Variants in MACROD2 observed in about 807,000 individuals in gnomAD.
MACROD2 encodes the protein mono-ADP ribosylhydrolase 2, also known as ADP-ribose glycohydrolase MACROD2.
Under a neutral mutation model 70.4 loss-of-function variants are expected in MACROD2, and 36 were observed. That is an observed-to-expected ratio of 0.51 (90% CI 0.39 to 0.68). The LOEUF (loss-of-function observed/expected upper bound fraction) is 0.68, where lower values mean the gene tolerates loss of function less well. Among genes scored for constraint, MACROD2 ranks in the 30% least tolerant of loss-of-function variants. MACROD2 has a pLI of 0.00. For missense variants in MACROD2, 496 were observed against 538.4 expected (o/e 0.92, Z 0.78); for synonymous variants, 172 against 178.8 (o/e 0.96, Z 0.30).
chr20:14,719,116 C>T (rs2071432486), intron 5 of MACROD2, among the ~76,000 whole-genome samples: 1 of 152,004 alleles, frequency 6.6e-6, no homozygotes, highest in Non-Finnish European at 1.5e-5. Flanking sequence ...CCTGTAGTCC[C>T]AGCTACTTGG....
intron 4 of MACROD2, among the ~76,000 whole-genome samples, chr20:14,628,309 A>G (rs954076267): frequency 6.6e-6 from 1 of 152,160 alleles, no homozygotes; most frequent in African/African-American, 2.4e-5. Flanking sequence ...GAGAGAATGG[A>G]TTAGAGAGGA....
intron 10 of MACROD2, among the ~76,000 whole-genome samples, chr20:15,916,034 A>G (rs1279152640): frequency 2.0e-5 from 3 of 152,198 alleles, no homozygotes; most frequent in Non-Finnish European, 4.4e-5. Flanking sequence ...AAAGAAAAGG[A>G]CAAAAATATA....
intron 8 of MACROD2, among the ~76,000 whole-genome samples, chr20:15,776,951 G>A (rs535054796): frequency 6.5e-4 from 99 of 152,248 alleles, no homozygotes; most frequent in African/African-American, 2.3e-3. Context: ...AAAAGAATGC[G>A]ACTGTTGAGA....
intron 8 of MACROD2, among the ~76,000 whole-genome samples, chr20:15,543,875 T>C (rs2146572806): frequency 6.6e-6 from 1 of 152,364 alleles, no homozygotes. Context: ...TGCCTGGACA[T>C]GTTCTTCTCA....
intron 15 of MACROD2, among the ~76,000 whole-genome samples, chr20:16,004,860 T>C (rs1432852737): frequency 6.6e-6 from 1 of 152,248 alleles, no homozygotes; most frequent in Non-Finnish European, 1.5e-5. Flanking sequence ...GGGGCAGTTA[T>C]ACTTTTTACA....
chr20:15,279,613 A>G (rs1445210179), intron 6 of MACROD2, among the ~76,000 whole-genome samples: 1 of 152,238 alleles, frequency 6.6e-6, no homozygotes, highest in Non-Finnish European at 1.5e-5. Context: ...GCAATTCCCA[A>G]TCATGATAAT....
chr20:15,100,440 T>C (rs2075863607), intron 5 of MACROD2, among the ~76,000 whole-genome samples: 1 of 152,152 alleles, frequency 6.6e-6, no homozygotes, highest in Non-Finnish European at 1.5e-5. Flanking sequence ...ACCCAAAACT[T>C]TATCTTGGCT....
At chr20:15,218,267 G>C (rs1037345516) in intron 5 of MACROD2, among the ~76,000 whole-genome samples, 6 of 152,114 alleles carry the variant, frequency 3.9e-5, no homozygotes, top group Non-Finnish European at 7.3e-5. Context: ...TTAGAGTCAA[G>C]CTCCTTGAAA....
intron 8 of MACROD2, among the ~76,000 whole-genome samples, chr20:15,615,876 TAATA>T (rs1284159990): frequency 3.3e-5 from 5 of 152,060 alleles, no homozygotes; most frequent in African/African-American, 1.2e-4. Context: ...AAAAGTATAA[TAATA>T]TATTAATTCC....
intron 3 of MACROD2, among the ~76,000 whole-genome samples, chr20:14,108,775 A>G (rs956996016): frequency 3.0e-4 from 45 of 152,056 alleles, no homozygotes; most frequent in Admixed American, 2.6e-3. Context: ...AAATACTATT[A>G]TTAGAGCTAA....
At position 14,478,816 on chromosome 20, in the gene MACROD2, T is replaced by C; in HGVS notation, c.272-14663T>C. On this transcript the variant is annotated intron_variant, in intron 3 of 17. Transcript: ENST00000684519. ...TAGTGGGCAGTAGTTCTAAGGACAATTTAATTTTCCAAGATTTTTTGGTCT... is the reference window on the plus strand; with the variant it reads ...TAGTGGGCAGTAGTTCTAAGGACAACTTAATTTTCCAAGATTTTTTGGTCT... Among the ~76,000 whole-genome samples the C allele has an allele frequency of 2.0e-5, 3 of 152,202 alleles. No homozygotes were observed. In the South Asian group the frequency reaches 6.2e-4, roughly 32 times the overall value.
intron 3 of MACROD2, among the ~76,000 whole-genome samples, chr20:14,132,321 T>C (rs2054729283): frequency 6.6e-6 from 1 of 151,984 alleles, no homozygotes; most frequent in Admixed American, 6.5e-5. Flanking sequence ...ACATTGGGCA[T>C]ACAGGCACGA....
At chr20:15,953,397 G>A (rs1044335584) in intron 12 of MACROD2, among the ~76,000 whole-genome samples, 3 of 152,006 alleles carry the variant, frequency 2.0e-5, no homozygotes, top group East Asian at 1.9e-4. Context: ...AATGATAAAT[G>A]TTCCAGATGA....
At chr20:14,909,992 T>G (rs980461330) in intron 5 of MACROD2, among the ~76,000 whole-genome samples, 1 of 152,150 alleles carries the variant, frequency 6.6e-6, no homozygotes, top group Non-Finnish European at 1.5e-5. Context: ...CTTGAGAACC[T>G]TTGGAATTCT....
rs146928122 is a variant in MACROD2 at position 14,562,656 on chromosome 20, T to C, written c.301+69148T>C. Among the ~76,000 whole-genome samples, 1,087 of 151,988 alleles carry C rather than the reference T, an allele frequency of 7.2e-3. 16 individuals carry two copies. Among genetic ancestry groups the C allele is most frequent in the African/African-American group, 0.024 (980 of 41,520 alleles). On this transcript the variant is annotated intron_variant, in intron 4 of 17. Transcript: ENST00000684519. ...ATCTATTGGATGAATGTCCTTCTTA[T>C]GGAAATAAGAAGTGAGATTTTCAGT... is the stretch of plus-strand genomic sequence containing the variant.
chr20:14,351,055 C>T (rs1295435963), intron 3 of MACROD2, among the ~76,000 whole-genome samples: 1 of 152,144 alleles, frequency 6.6e-6, no homozygotes, highest in Admixed American at 6.5e-5. Flanking sequence ...AATGAGTTCA[C>T]TGTAGGTGTG....
chr20:14,284,071 C>T (rs1272600208), intron 3 of MACROD2, among the ~76,000 whole-genome samples: 1 of 152,176 alleles, frequency 6.6e-6, no homozygotes, highest in African/African-American at 2.4e-5. Flanking sequence ...TTAAAATTGC[C>T]ATGTGAAAGG....
At chr20:16,025,908 C>T (rs1313552238) in intron 15 of MACROD2, among the ~76,000 whole-genome samples, 1 of 151,348 alleles carries the variant, frequency 6.6e-6, no homozygotes, top group African/African-American at 2.4e-5. Flanking sequence ...CACTTTGGGA[C>T]ACCAAGACAG....
At chr20:14,037,992 A>G (rs977662213) in intron 2 of MACROD2, among the ~76,000 whole-genome samples, 2 of 152,060 alleles carry the variant, frequency 1.3e-5, no homozygotes, top group African/African-American at 2.4e-5. Context: ...AACTGTCTCA[A>G]TTAAAAAACA....
Sources: gnomAD v4.1 joint callset for allele counts (sites outside exome capture counted in the v4.1 genomes callset) on GRCh38, gnomAD v4.1.1 for gene constraint, MANE v1.5 for transcripts, NCBI Gene and HGNC (gene_info 2026-07-23, HGNC 2026-07-21) for gene names.